NRG3: variants seen among roughly 807,000 people sequenced by gnomAD.
NRG3 encodes the protein neuregulin 3, also known as pro-neuregulin-3, membrane-bound isoform.
A neutral mutation model predicts 66.9 loss-of-function variants in NRG3; 31 were observed. That is an observed-to-expected ratio of 0.46 (90% confidence interval 0.35 to 0.63). NRG3 has a LOEUF of 0.63. Among genes scored for constraint, NRG3 ranks in the 20% least tolerant of loss-of-function variants. NRG3 has a pLI of 0.00. For synonymous variants in NRG3, 393 were observed against 359.4 expected (o/e 1.09, Z -1.06); for missense variants, 910 against 878.9 (o/e 1.04, Z -0.45).
At chr10:81,999,083 G>A (rs1009082517) in intron 1 of NRG3, among the ~76,000 whole-genome samples, 18 of 152,194 alleles carry the variant, frequency 1.2e-4, no homozygotes, top group East Asian at 7.7e-4. Context: ...GTTTATAGGC[G>A]TGAGCCACGG....
rs564103395 is a variant in NRG3 at position 82,925,124 on chromosome 10, A to G, written c.1055-26345A>G. On this transcript the variant is annotated intron_variant, in intron 4 of 8. Transcript: ENST00000372141. The stretch of plus-strand genomic sequence containing the variant: ...ACTAGGGGAAGACAAAGAATTCCTC[A>G]AAGTTAGTTTACTTAGTACAAATTA... Among the ~76,000 whole-genome samples, 4 of 152,308 alleles carry G rather than the reference A, an allele frequency of 2.6e-5. No individual in the cohort carries two copies. In the East Asian group the frequency reaches 7.7e-4, roughly 29 times the overall value.
chr10:82,521,544 G>A lies in NRG3; in HGVS notation c.953+162676G>A, dbSNP rs568134758. Among the ~76,000 whole-genome samples the A allele has an allele frequency of 5.8e-4, 88 of 152,166 alleles. No homozygotes were observed. The Middle Eastern group carries it at 0.01, about 18-fold the overall frequency. On this transcript the variant is annotated intron_variant, in intron 2 of 8. Transcript: ENST00000372141. Reference sequence around the variant, plus strand: ...TTTAGTAGAGAAGGGGTTTCACCGTGTTAGCCAGGATGGTCTCAATCTCCT... The same window carrying A: ...TTTAGTAGAGAAGGGGTTTCACCGTATTAGCCAGGATGGTCTCAATCTCCT...
chr10:82,693,214 T>C lies in NRG3; in HGVS notation c.954-45363T>C, dbSNP rs182176943. Among the ~76,000 whole-genome samples the C allele has an allele frequency of 2.0e-4, 30 of 152,322 alleles. 1 individual carries two copies. The highest frequency in any genetic ancestry group is 1.5e-5 in the Non-Finnish European group (1 of 68,028). On this transcript the variant is annotated intron_variant, in intron 2 of 8. Transcript: ENST00000372141. ...TTGCATTTTTTTCAATCTCCCTAAG[T>C]AATGTGATACATGATGTCAAGCCAA...
intron 4 of NRG3, among the ~76,000 whole-genome samples, chr10:82,866,379 T>C (rs1165624180): frequency 6.6e-6 from 1 of 152,242 alleles, no homozygotes; most frequent in Non-Finnish European, 1.5e-5. Context: ...AGTGTTGATT[T>C]GGGATAGCTT....
intron 1 of NRG3, among the ~76,000 whole-genome samples, chr10:82,186,087 T>G (rs2073790022): frequency 6.6e-6 from 1 of 152,190 alleles, no homozygotes; most frequent in Admixed American, 6.5e-5. Flanking sequence ...TTGTTAGGAA[T>G]TGTTTTAGTG....
At chr10:81,958,486 G>A (rs997997383) in intron 1 of NRG3, among the ~76,000 whole-genome samples, 2 of 152,184 alleles carry the variant, frequency 1.3e-5, no homozygotes, top group East Asian at 3.9e-4. Flanking sequence ...AACTGTCAAG[G>A]AATTTAGTGG....
chr10:82,906,016 A>G (rs1037383400), intron 4 of NRG3, among the ~76,000 whole-genome samples: 4 of 152,168 alleles, frequency 2.6e-5, no homozygotes, highest in African/African-American at 9.7e-5. Flanking sequence ...CCAAAATCTT[A>G]TCAAAAATAT....
intron 2 of NRG3, among the ~76,000 whole-genome samples, chr10:82,497,291 A>C (rs1389193207): frequency 6.6e-6 from 1 of 152,192 alleles, no homozygotes; most frequent in Admixed American, 6.5e-5. Context: ...AGTCTTTATA[A>C]AAGAATAGTA....
intron 2 of NRG3, among the ~76,000 whole-genome samples, chr10:82,694,220 C>G (rs1351651905): frequency 2.6e-5 from 4 of 152,150 alleles, no homozygotes; most frequent in Non-Finnish European, 4.4e-5. Flanking sequence ...TAGCTAGACA[C>G]AGAGCGCTGA....
chr10:82,466,978 G>A (rs1473541032), intron 2 of NRG3, among the ~76,000 whole-genome samples: 1 of 151,890 alleles, frequency 6.6e-6, no homozygotes, highest in East Asian at 1.9e-4. Flanking sequence ...GGGTGGACAG[G>A]GATCCACAAA....
chr10:82,655,218 A>T (rs2051745352), intron 2 of NRG3, among the ~76,000 whole-genome samples: 1 of 152,152 alleles, frequency 6.6e-6, no homozygotes, highest in African/African-American at 2.4e-5. Context: ...TGAAAAATAA[A>T]GGATAAAATT....
intron 3 of NRG3, among the ~76,000 whole-genome samples, chr10:82,796,687 G>T (rs941040146): frequency 1.3e-5 from 2 of 152,134 alleles, no homozygotes; most frequent in Admixed American, 1.3e-4. Context: ...AATGACAGGA[G>T]AGGGAGCCCT....
chr10:82,670,901 A>C (rs2053217432), intron 2 of NRG3, among the ~76,000 whole-genome samples: 1 of 152,184 alleles, frequency 6.6e-6, no homozygotes, highest in Non-Finnish European at 1.5e-5. Flanking sequence ...CTCTACCTGC[A>C]ATTCTCTGCA....
At chr10:82,035,022 G>A (rs1448706642) in intron 1 of NRG3, among the ~76,000 whole-genome samples, 4 of 152,006 alleles carry the variant, frequency 2.6e-5, no homozygotes, top group Non-Finnish European at 4.4e-5. Context: ...AGTTTACTCC[G>A]TGCTGTTCAT....
chr10:82,367,640 A>G (rs1285479162), intron 2 of NRG3, among the ~76,000 whole-genome samples: 1 of 152,054 alleles, frequency 6.6e-6, no homozygotes, highest in East Asian at 1.9e-4. Context: ...GTTTTTCCTA[A>G]TAATTCTTAT....
intron 2 of NRG3, among the ~76,000 whole-genome samples, chr10:82,701,686 T>C (rs1222958874): frequency 6.6e-6 from 1 of 152,206 alleles, no homozygotes; most frequent in Non-Finnish European, 1.5e-5. Context: ...AGTAGTAGCG[T>C]TAATGTTATT....
intron 3 of NRG3, among the ~76,000 whole-genome samples, chr10:82,796,527 C>T (rs968428502): frequency 6.6e-5 from 10 of 151,296 alleles, no homozygotes; most frequent in African/African-American, 2.2e-4. Flanking sequence ...TGAGAGAAAA[C>T]CAAAATTTAT....
chr10:82,225,821 G>A (rs561037420), intron 1 of NRG3, among the ~76,000 whole-genome samples: 1 of 152,258 alleles, frequency 6.6e-6, no homozygotes, highest in South Asian at 2.1e-4. Flanking sequence ...GAGAAAGTTT[G>A]TATATAGTTT....
chr10:82,459,381 G>A (rs769119564), intron 2 of NRG3, among the ~76,000 whole-genome samples: 11 of 151,988 alleles, frequency 7.2e-5, no homozygotes, highest in East Asian at 1.9e-4. Context: ...TTGACTGATC[G>A]GATTGGATTG....
Sources: gnomAD v4.1 joint callset for allele counts (sites outside exome capture counted in the v4.1 genomes callset) on GRCh38, gnomAD v4.1.1 for gene constraint, MANE v1.5 for transcripts, NCBI Gene and HGNC (gene_info 2026-07-23, HGNC 2026-07-21) for gene names.